VRK3: variants seen among roughly 807,000 people sequenced by gnomAD.
VRK3 encodes the protein VRK serine/threonine kinase 3.
VRK3 carries 50 observed loss-of-function variants against 60.4 expected under a neutral mutation model. The ratio of observed to expected loss-of-function variants is 0.83; its 90% CI spans 0.66 to 1.05. The LOEUF (loss-of-function observed/expected upper bound fraction) is 1.05, where lower values mean the gene tolerates loss of function less well. Ranked by LOEUF, VRK3 falls within the 50% of genes least tolerant of loss-of-function variation. The pLI is 0.00. For missense variants in VRK3, 549 were observed against 585.3 expected (o/e 0.94, Z 0.64); for synonymous variants, 246 against 227.8 (o/e 1.08, Z -0.72).
At chr19:50,009,116 G>C in intron 4 of VRK3, 120 bp downstream of exon 4, 1 of 1,215,114 alleles carries the variant, frequency 8.2e-7, no homozygotes, top group East Asian at 2.4e-5. Context: ...GCTGGAGTCA[G>C]AGTCCAGGCA....
chr19:49,991,204 G>A (rs2076605657), intron 10 of VRK3, among the ~76,000 whole-genome samples: 1 of 152,114 alleles, frequency 6.6e-6, no homozygotes, highest in African/African-American at 2.4e-5. Context: ...ATGAACATTG[G>A]GGTTTGTAGA....
intron 12 of VRK3, 35 bp downstream of exon 12, chr19:49,988,317 ACCTGCAGGGGTTCTGCTGAC>A: frequency 6.4e-7 from 1 of 1,550,982 alleles, no homozygotes; most frequent in African/African-American, 2.0e-5. Flanking sequence ...GCTTCTGTCC[ACCTGCAGGGGTTCTGCTGAC>A]CACCTGCAGG....
At chr19:49,978,778 C>T (rs368146582) in intron 14 of VRK3, 7 of 249,208 alleles carry the variant, frequency 2.8e-5, no homozygotes, top group African/African-American at 6.8e-5. Flanking sequence ...AGACAAACAA[C>T]GTCTTGATGC....
At chr19:49,980,437 C>T (rs560272158) in intron 13 of VRK3, among the ~76,000 whole-genome samples, 5 of 152,138 alleles carry the variant, frequency 3.3e-5, no homozygotes, top group South Asian at 2.1e-4. Flanking sequence ...TAAAAATGGC[C>T]GGGCATGGTG....
intron 12 of VRK3, among the ~76,000 whole-genome samples, chr19:49,983,385 C>A (rs915713372): frequency 4.6e-5 from 7 of 152,254 alleles, no homozygotes; most frequent in African/African-American, 1.4e-4. Context: ...AAGTCTTCCC[C>A]AGACCCCTCC....
In VRK3 at chr19:50,009,460, G is replaced by T. The variant is rs543623967; in HGVS notation, c.140-75C>A. ...CAGGCACCATTGGACTGGGAGCCCTGAGGTTATACTCAGCTATGCTGTTCT... is the reference window on the plus strand; with the variant it reads ...CAGGCACCATTGGACTGGGAGCCCTTAGGTTATACTCAGCTATGCTGTTCT... On this transcript the variant is annotated intron_variant, in intron 3 of 14. Transcript: ENST00000316763. 141 of 1,563,734 alleles carry T rather than the reference G, an allele frequency of 9.0e-5. No homozygotes were observed. In the East Asian group the frequency reaches 3.0e-3, roughly 33 times the overall value.
chr19:49,993,063 T>G (rs1465538803), intron 9 of VRK3, 111 bp from the exon 10 acceptor site: 4 of 961,792 alleles, frequency 4.2e-6, no homozygotes, highest in Non-Finnish European at 6.4e-6. Context: ...TGTCCGACAC[T>G]GTGACTGGGG....
chr19:50,002,231 G>A (rs2076818721), intron 5 of VRK3, among the ~76,000 whole-genome samples: 1 of 152,140 alleles, frequency 6.6e-6, no homozygotes, highest in South Asian at 2.1e-4. Context: ...TGAGCTGAGG[G>A]ATGGGGGGTG....
At position 49,994,715 on chromosome 19, in the gene VRK3, G is replaced by T. The variant is rs934467783; in HGVS notation, c.870+99C>A. On this transcript the variant is annotated intron_variant, in intron 9 of 14. Transcript: ENST00000316763. Reference sequence around the variant, plus strand: ...GCCAGCCCCCAGTGTGCAGCGGAGGGGGGTGGGGGCCGGAAGTGTCAATGA... The same window carrying T: ...GCCAGCCCCCAGTGTGCAGCGGAGGTGGGTGGGGGCCGGAAGTGTCAATGA... 29 of 1,051,414 alleles carry T rather than the reference G, an allele frequency of 2.8e-5. No individual in the cohort carries two copies. The Admixed American group carries it at 3.7e-4, about 13-fold the overall frequency. The allele number at this position is 1,051,414 out of a possible 1,614,324, so 65.1% of individuals were successfully genotyped here.
intron 2 of VRK3, 56 bp downstream of exon 2, chr19:50,020,529 G>A (rs1285973675): frequency 6.6e-6 from 1 of 152,286 alleles, no homozygotes; most frequent in Non-Finnish European, 1.5e-5. Flanking sequence ...GCAGGAGCCA[G>A]CTGCTGGTGG....
intron 6 of VRK3, chr19:49,997,841 T>C (rs1014571211): frequency 1.1e-5 from 4 of 353,576 alleles, no homozygotes; most frequent in Admixed American, 4.3e-5. Context: ...TTTCCCAGCT[T>C]CCTTTGCAGT....
At chr19:50,016,244 A>G in intron 2 of VRK3, 81 bp from the exon 3 acceptor site, 3 of 1,572,044 alleles carry the variant, frequency 1.9e-6, no homozygotes, top group Non-Finnish European at 2.6e-6. Flanking sequence ...GCTCTTAATC[A>G]CAGGGTGAGT....
chr19:49,982,180 C>A (rs1228432769), intron 12 of VRK3: 2 of 702,974 alleles, frequency 2.8e-6, no homozygotes, highest in Non-Finnish European at 5.2e-6. Context: ...AAATGAATCC[C>A]AAGGCAACCT....
At chr19:49,987,429 GCTCC>G (rs72382574) in intron 12 of VRK3, among the ~76,000 whole-genome samples, 7,952 of 152,164 alleles carry the variant, frequency 0.052, 677 homozygotes, top group African/African-American at 0.18. Context: ...TACCCCTAGT[GCTCC>G]CTCTGTGTCC....
rs914024284 is a variant in VRK3, at chr19:49,997,638, C to T, written c.613-68G>A. ...CTCAGATAAGGGCCCCCAGTCCCCA[C>T]TGGCAATTTGTTACTCCCTCAATGA... On this transcript the variant is annotated intron_variant, in intron 6 of 14. Transcript: ENST00000316763. 6 of 1,571,468 alleles carry T rather than the reference C, an allele frequency of 3.8e-6. No individual in the cohort carries two copies. In the Admixed American group the frequency reaches 8.8e-5, roughly 23 times the overall value.
At chr19:50,006,113 C>A (rs1438858419) in intron 5 of VRK3, among the ~76,000 whole-genome samples, 1 of 138,084 alleles carries the variant, frequency 7.2e-6, no homozygotes, top group Non-Finnish European at 1.5e-5. Flanking sequence ...TGGTAACACC[C>A]TGTCTCTACT....
chr19:49,991,524 C>CACACAT (rs1379566642), intron 10 of VRK3, among the ~76,000 whole-genome samples: 3 of 151,852 alleles, frequency 2.0e-5, no homozygotes, highest in Admixed American at 6.6e-5. Flanking sequence ...TCTCTACACA[C>CACACAT]ACACACACAC....
At chr19:50,015,897 G>A (rs1331929636) in intron 3 of VRK3, 127 bp downstream of exon 3, 2 of 1,325,578 alleles carry the variant, frequency 1.5e-6, no homozygotes, top group Non-Finnish European at 2.1e-6. Flanking sequence ...GTCCAGTCCT[G>A]AGGCCTGGGC....
Position 49,979,258 on chromosome 19 carries a change from C to T in VRK3, c.1277-16G>A, listed in dbSNP as rs2076381792. 1 of 1,613,900 alleles carries T rather than the reference C, an allele frequency of 6.2e-7. No individual in the cohort carries two copies. Among genetic ancestry groups the T allele is most frequent in the Admixed American group, 1.7e-5 (1 of 59,998 alleles). ...TGCAGGGTCTCTGTGGTCAAGACAACCCCCAGCAAGGGAGAGCCTGAGAGG... is the reference window on the plus strand; with the variant it reads ...TGCAGGGTCTCTGTGGTCAAGACAATCCCCAGCAAGGGAGAGCCTGAGAGG... On this transcript the variant is annotated splice_polypyrimidine_tract_variant and intron_variant, in intron 13 of 14. Coordinates refer to ENST00000316763, the MANE Select transcript of VRK3 (RefSeq NM_016440.4).
Sources: allele counts gnomAD v4.1 joint callset (sites outside exome capture counted in the v4.1 genomes callset), GRCh38; gene constraint gnomAD v4.1.1; transcripts MANE v1.5; gene names NCBI Gene and HGNC (gene_info 2026-07-23, HGNC 2026-07-21).